Variants in XKR9 observed in about 807,000 individuals in gnomAD.
XKR9 encodes the protein XK related 9.
XKR9 carries 32 observed loss-of-function variants against 32.0 expected under a neutral mutation model. That is an observed-to-expected ratio of 1.00 (90% confidence interval 0.76 to 1.34). The LOEUF (loss-of-function observed/expected upper bound fraction) is 1.34, where lower values mean the gene tolerates loss of function less well. Ranked by LOEUF, XKR9 falls within the 40% of genes most tolerant of loss-of-function variation. The probability of loss-of-function intolerance (pLI) is 0.00; values close to 1 mark genes in which losing one functional copy is unlikely to be tolerated. For synonymous variants in XKR9, 168 were observed against 143.4 expected (o/e 1.17, Z -1.22); for missense variants, 546 against 429.7 (o/e 1.27, Z -2.39).
intron 3 of XKR9, among the ~76,000 whole-genome samples, chr8:70,704,403 A>G (rs1368309941): frequency 2.0e-5 from 3 of 152,136 alleles, no homozygotes; most frequent in Non-Finnish European, 4.4e-5. Flanking sequence ...AGACAGCACT[A>G]TCTGTTTTGT....
At chr8:70,711,145 A>G (rs2132189560) in intron 4 of XKR9, among the ~76,000 whole-genome samples, 1 of 152,330 alleles carries the variant, frequency 6.6e-6, no homozygotes, top group African/African-American at 2.4e-5. Context: ...GAGGTTGCAG[A>G]GAAAGGGGGA....
the XKR9 span, among the ~76,000 whole-genome samples, chr8:70,848,576 T>C: frequency 8.6e-5 from 13 of 151,908 alleles, no homozygotes; most frequent in Non-Finnish European, 1.6e-4. Flanking sequence ...TTGGAAGTAA[T>C]AAATACAGTA....
At chr8:70,723,916 C>T (rs151267361) in intron 4 of XKR9, among the ~76,000 whole-genome samples, 2,652 of 144,768 alleles carry the variant, frequency 0.018, 73 homozygotes, top group African/African-American at 0.065. Context: ...GACGGAGTGT[C>T]GCTCTGTGGC....
chr8:70,885,790 G>C, the XKR9 span, among the ~76,000 whole-genome samples: 232 of 152,218 alleles, frequency 1.5e-3, no homozygotes, highest in Middle Eastern at 6.8e-3. Flanking sequence ...TAGAGATGGG[G>C]TTTCACTGTG....
rs372821070 is a variant in XKR9 at position 70,734,221 on chromosome 8, G to T, written c.919G>T (p.Val307Phe). 1.9e-6 allele frequency: 3 copies of T among 1,613,154 alleles called. No homozygotes were observed. The highest frequency in any genetic ancestry group is 8.5e-7 in the Non-Finnish European group (1 of 1,179,542). Reference sequence around the variant, plus strand: ...TTTGGGGATATTGACTGTATTCTGGGTTTGCCCCCTCACTATTTTTAATCC... The same window carrying T: ...TTTGGGGATATTGACTGTATTCTGGTTTTGCCCCCTCACTATTTTTAATCC... ...GTLGILTVFW[V>F]CPLTIFNPDY... Residue 307 changes from valine to phenylalanine, a missense_variant, in exon 5 of 5, where the codon GTT becomes TTT. By Grantham distance (50) the Val-to-Phe change is conservative. Coordinates refer to ENST00000408926, the MANE Select transcript of XKR9 (RefSeq NM_001011720.2).
the XKR9 span, among the ~76,000 whole-genome samples, chr8:70,960,465 C>G: frequency 6.6e-6 from 1 of 152,162 alleles, no homozygotes; most frequent in Non-Finnish European, 1.5e-5. Flanking sequence ...GTGACCCATA[C>G]TTGTCCAATG....
chr8:71,031,326 ATAT>A, the XKR9 span, among the ~76,000 whole-genome samples: 4 of 152,280 alleles, frequency 2.6e-5, no homozygotes, highest in African/African-American at 9.6e-5. Flanking sequence ...TGGGTATTAA[ATAT>A]TATGTGTATG....
the XKR9 span, among the ~76,000 whole-genome samples, chr8:70,853,234 G>C: frequency 2.0e-5 from 3 of 152,010 alleles, no homozygotes; most frequent in Non-Finnish European, 2.9e-5. Context: ...ATAGAAGAAT[G>C]GTTCTCAGAG....
the XKR9 span, among the ~76,000 whole-genome samples, chr8:70,822,955 T>C: frequency 6.6e-6 from 1 of 152,242 alleles, no homozygotes; most frequent in Non-Finnish European, 1.5e-5. Flanking sequence ...ATACAGTGCA[T>C]AACACTTCAT....
the XKR9 span, among the ~76,000 whole-genome samples, chr8:70,899,313 CAGTGTCTTTTTCCTTTCCTTT>C: frequency 6.6e-6 from 1 of 151,944 alleles, no homozygotes; most frequent in African/African-American, 2.4e-5. Context: ...ATTTCTGCAC[CAGTGTCTTTTTCCTTTCCTTT>C]AGTGACTTTA....
At chr8:70,826,215 G>C in the XKR9 span, among the ~76,000 whole-genome samples, 1 of 152,036 alleles carries the variant, frequency 6.6e-6, no homozygotes, top group Admixed American at 6.6e-5. Flanking sequence ...CAAAAGTTTT[G>C]ACTGGTTCTC....
chr8:70,722,392 C>CG, intron 4 of XKR9, among the ~76,000 whole-genome samples: 1 of 152,278 alleles, frequency 6.6e-6, no homozygotes, highest in East Asian at 1.9e-4. Flanking sequence ...TTCATAGTGT[C>CG]ATAGGTCTTT....
the XKR9 span, among the ~76,000 whole-genome samples, chr8:70,880,946 G>A: frequency 2.0e-5 from 3 of 152,128 alleles, no homozygotes; most frequent in South Asian, 2.1e-4. Context: ...GAACAGAACC[G>A]AGGCCTCAGA....
At chr8:70,771,607 T>C (rs1453178176) in intron 2 of XKR9, among the ~76,000 whole-genome samples, 1 of 152,214 alleles carries the variant, frequency 6.6e-6, no homozygotes, top group Non-Finnish European at 1.5e-5. Context: ...TCCCCAGGGA[T>C]CAAGTGACTG....
rs1806777613 is a variant in XKR9, at chr8:70,734,127, T to G, written c.825T>G (p.Phe275Leu). 5.0e-6 allele frequency: 8 copies of G among 1,612,610 alleles called. No individual in the cohort carries two copies. Among genetic ancestry groups the G allele is most frequent in the Non-Finnish European group, 6.8e-6 (8 of 1,178,982 alleles). Residue 275 changes from phenylalanine (F) to leucine (L), a missense_variant, in exon 5 of 5, where the codon TTT (phenylalanine) becomes TTG (leucine). By Grantham distance (22) the Phe-to-Leu change is conservative. Transcript: ENST00000408926. ...TTGGATTCATTCTTATCTTTACATT[T>G]TTTAATATTAAGGGACAGAATACCA... The part of the protein sequence containing the change: ...IVVGFILIFT[F>L]FNIKGQNTKC...
chr8:70,959,467 A>C, the XKR9 span, among the ~76,000 whole-genome samples: 1 of 152,146 alleles, frequency 6.6e-6, no homozygotes, highest in Non-Finnish European at 1.5e-5. Flanking sequence ...ATTGATGGAC[A>C]CTGGATTGTT....
the XKR9 span, among the ~76,000 whole-genome samples, chr8:70,984,390 C>T: frequency 6.6e-6 from 1 of 152,204 alleles, no homozygotes; most frequent in Non-Finnish European, 1.5e-5. Flanking sequence ...TCTTCCCTAT[C>T]CTGTGTAATC....
At chr8:70,717,100 C>T (rs1165944286) in intron 4 of XKR9, among the ~76,000 whole-genome samples, 1 of 152,234 alleles carries the variant, frequency 6.6e-6, no homozygotes, top group Non-Finnish European at 1.5e-5. Context: ...ATGGCCTTGG[C>T]AGCTCTGCCC....
At chr8:70,676,838 T>G (rs1278862498) in intron 2 of XKR9, among the ~76,000 whole-genome samples, 1 of 152,042 alleles carries the variant, frequency 6.6e-6, no homozygotes, top group East Asian at 1.9e-4. Flanking sequence ...AGAGAGACCC[T>G]GTCTCTTAAA....
Sources: gnomAD v4.1 joint callset for allele counts (sites outside exome capture counted in the v4.1 genomes callset) on GRCh38, gnomAD v4.1.1 for gene constraint, MANE v1.5 for transcripts, NCBI Gene and HGNC (gene_info 2026-07-23, HGNC 2026-07-21) for gene names.